RGSL1: variants seen among roughly 807,000 people sequenced by gnomAD.
RGSL1 encodes regulator of G protein signaling like 1, also known as regulator of G protein signaling protein-like.
Under a neutral mutation model 124.7 loss-of-function variants are expected in RGSL1, and 97 were observed. That is an observed-to-expected ratio of 0.78 (90% CI 0.66 to 0.92). RGSL1 has a LOEUF of 0.92. RGSL1 is among the 40% of genes least tolerant of loss of function. RGSL1 has a pLI of 0.00. For missense variants in RGSL1, 1,233 were observed against 1,288.4 expected, an observed-to-expected ratio of 0.96 and a Z score of 0.66; for synonymous variants, 424 against 438.1, an observed-to-expected ratio of 0.97 and a Z score of 0.40.
Position 182,520,343 on chromosome 1 carries a change from C to G in RGSL1, c.1826-1661C>G, listed in dbSNP as rs114865811. ...ATCAGGGCCTCTTCTCCTTTTGCCC[C>G]CTTCTGTCCTGAGAATCTGCCAAAA... On this transcript the variant is annotated intron_variant, in intron 9 of 21. Coordinates refer to ENST00000294854, the MANE Select transcript of RGSL1 (RefSeq NM_001137669.2). Among the ~76,000 whole-genome samples, 1,480 of 152,236 alleles carry G rather than the reference C, an allele frequency of 9.7e-3. 24 individuals are homozygous for G. The highest frequency in any genetic ancestry group is 0.034 in the African/African-American group (1,395 of 41,548).
In RGSL1 at chr1:182,523,871, G is replaced by A. The variant is rs562870434; in HGVS notation, c.1931+1762G>A. Among the ~76,000 whole-genome samples, 22 of 152,198 alleles carry A rather than the reference G, an allele frequency of 1.4e-4. No individual in the cohort carries two copies. In the South Asian group the frequency reaches 4.2e-3, roughly 29 times the overall value. ...GATAACATATTAGCTAATTACTATGGGAGTGAAAGGAGAGAGAAATTTTGA... is the reference window on the plus strand; with the variant it reads ...GATAACATATTAGCTAATTACTATGAGAGTGAAAGGAGAGAGAAATTTTGA... On this transcript the variant is annotated intron_variant, in intron 10 of 21. Transcript: ENST00000294854.
rs370485140 is a variant in RGSL1, at chr1:182,489,167, T to G, written c.1682T>G (p.Leu561Arg). The G allele has an allele frequency of 1.1e-5, 17 of 1,551,598 alleles. No individual in the cohort carries two copies. The highest frequency in any genetic ancestry group is 1.5e-5 in the Non-Finnish European group (17 of 1,147,002). Residue 561 changes from leucine to arginine, a missense_variant, in exon 8 of 22, where the codon CTC (leucine) becomes CGC (arginine). Coordinates refer to ENST00000294854, the MANE Select transcript of RGSL1 (RefSeq NM_001137669.2). ...ATEDLKQGGS[L>R]QVELTSPVFL... Reference sequence around the variant, plus strand: ...GAGGACCTGAAGCAAGGAGGCTCTCTCCAGGTAGAGCTGACATCTCCAGTG... The same window carrying G: ...GAGGACCTGAAGCAAGGAGGCTCTCGCCAGGTAGAGCTGACATCTCCAGTG...
intron 4 of RGSL1, among the ~76,000 whole-genome samples, chr1:182,469,027 G>A (rs901511068): frequency 2.6e-5 from 4 of 151,920 alleles, no homozygotes; most frequent in Non-Finnish European, 5.9e-5. Flanking sequence ...AACTCAAAAT[G>A]GATTGAAGAC....
intron 9 of RGSL1, among the ~76,000 whole-genome samples, chr1:182,497,577 G>C (rs1464510187): frequency 6.6e-6 from 1 of 151,716 alleles, no homozygotes; most frequent in Non-Finnish European, 1.5e-5. Flanking sequence ...CAACAAACAA[G>C]GACATTCTCC....
At chr1:182,481,539 A>C (rs146926789) in intron 6 of RGSL1, among the ~76,000 whole-genome samples, 2 of 152,216 alleles carry the variant, frequency 1.3e-5, no homozygotes, top group Non-Finnish European at 2.9e-5. Flanking sequence ...AATCCTTCTT[A>C]AACTCTTCCC....
At chr1:182,503,974 C>CTTTTTTTTTTTTTTTTTTTTTTTTTTTT (rs71124902) in intron 9 of RGSL1, among the ~76,000 whole-genome samples, 1 of 118,240 alleles carries the variant, frequency 8.5e-6, no homozygotes, top group Non-Finnish European at 1.7e-5. Context: ...TTTGTAATTT[C>CTTTTTTTTTTTTTTTTTTTTTTTTTTTT]TTTTTTTTTT....
chr1:182,458,439 G>C, intron 3 of RGSL1, 46 bp downstream of exon 3: 1 of 1,401,978 alleles, frequency 7.1e-7, no homozygotes, highest in South Asian at 1.3e-5. Context: ...TGGAGAATGA[G>C]GGAACTATAA....
intron 18 of RGSL1, among the ~76,000 whole-genome samples, chr1:182,552,359 C>G (rs1440477232): frequency 6.6e-6 from 1 of 152,110 alleles, no homozygotes. Flanking sequence ...TGTGATCCAC[C>G]CCCCTCAGTG....
chr1:182,517,484 G>A (rs909701509), intron 9 of RGSL1, among the ~76,000 whole-genome samples: 14 of 151,754 alleles, frequency 9.2e-5, no homozygotes, highest in Non-Finnish European at 1.9e-4. Flanking sequence ...GCTCTTGCTC[G>A]ACTTCCTCTC....
At chr1:182,486,210 A>ATATAGTC (rs1655084545) in intron 6 of RGSL1, among the ~76,000 whole-genome samples, 1 of 152,132 alleles carries the variant, frequency 6.6e-6, no homozygotes, top group Non-Finnish European at 1.5e-5. Flanking sequence ...CTATTATTTT[A>ATATAGTC]ATGTATATCT....
At chr1:182,544,754 CTCTT>C (rs1660105154) in intron 15 of RGSL1, among the ~76,000 whole-genome samples, 1 of 151,964 alleles carries the variant, frequency 6.6e-6, no homozygotes, top group Admixed American at 6.6e-5. Flanking sequence ...ATAACTATGT[CTCTT>C]TTTAGAGTCT....
chr1:182,464,376 A>G (rs1653094536), intron 4 of RGSL1, among the ~76,000 whole-genome samples: 1 of 152,226 alleles, frequency 6.6e-6, no homozygotes, highest in Non-Finnish European at 1.5e-5. Context: ...GAGATCAAAA[A>G]TTGGTCCTTT....
intron 9 of RGSL1, among the ~76,000 whole-genome samples, chr1:182,508,690 T>C (rs1016852219): frequency 2.0e-4 from 29 of 143,336 alleles, no homozygotes; most frequent in Non-Finnish European, 2.5e-4. Flanking sequence ...TTTTTTTTTT[T>C]TTAATTTATT....
At chr1:182,529,463 C>T (rs897455339) in intron 11 of RGSL1, among the ~76,000 whole-genome samples, 4 of 152,106 alleles carry the variant, frequency 2.6e-5, no homozygotes, top group Non-Finnish European at 5.9e-5. Context: ...ATCTTTGTTT[C>T]ATAAGTTGTG....
In RGSL1 at chr1:182,488,828, G is replaced by T. The variant is rs1264587087; in HGVS notation, c.1495-152G>T. The T allele has an allele frequency of 1.4e-5, 8 of 590,584 alleles. No individual in the cohort carries two copies. The Admixed American group carries it at 2.0e-4, about 15-fold the overall frequency. 36.6% of individuals were successfully genotyped at this position (590,584 alleles called of 1,614,324 possible). A position where few individuals can be genotyped will look rare whatever the true frequency, so the allele number is the denominator to read the frequency against. On this transcript the variant is annotated intron_variant, in intron 7 of 21. Transcript: ENST00000294854. ...TTTGATTAGAAAAGGGTGGGGGTTG[G>T]CATGTAAAGGAGCAATGGTTCTTAA... is the stretch of plus-strand genomic sequence containing the variant.
At chr1:182,525,536 T>C (rs748087920) in intron 10 of RGSL1, among the ~76,000 whole-genome samples, 2 of 141,182 alleles carry the variant, frequency 1.4e-5, no homozygotes, top group South Asian at 2.3e-4. Flanking sequence ...CAGATTTAAG[T>C]TGACAAAAGA....
Position 182,536,498 on chromosome 1 carries a change from G to A in RGSL1, c.2494+3707G>A, listed in dbSNP as rs6670148. On this transcript the variant is annotated intron_variant, in intron 14 of 21. Coordinates refer to ENST00000294854, the MANE Select transcript of RGSL1 (RefSeq NM_001137669.2). The stretch of plus-strand genomic sequence containing the variant: ...TTTTTAATTTTAGCCATTCTAGAGG[G>A]TATGTAATAGTATCTTGTTTTAGTT... Among the ~76,000 whole-genome samples, 1,116 of 152,282 alleles carry A rather than the reference G, an allele frequency of 7.3e-3. 19 individuals are homozygous for A. Among genetic ancestry groups the A allele is most frequent in the African/African-American group, 0.026 (1,062 of 41,552 alleles).
rs1428232672 is a variant in RGSL1 at position 182,450,185 on chromosome 1, CTCT to C, written c.13+8_13+10del. ...GGCAACATGAGCAGTGCTGGTGAGT[CTCT>C]GCCAGGGATGTCTCCAAGGCCTTGA... On this transcript the variant is annotated splice_region_variant and intron_variant, in intron 1 of 21. Transcript: ENST00000294854. 6.4e-7 allele frequency: 1 copy of C among 1,552,120 alleles called. No individual in the cohort carries two copies. The highest frequency in any genetic ancestry group is 2.0e-5 in the Admixed American group (1 of 51,004).
chr1:182,472,747 C>T (rs1653951079), intron 5 of RGSL1, 190 bp downstream of exon 5: 4 of 537,888 alleles, frequency 7.4e-6, no homozygotes, highest in South Asian at 4.5e-5. Flanking sequence ...TAAGCTGGCA[C>T]TTGCCTCTCT....
Sources: allele counts gnomAD v4.1 joint callset (sites outside exome capture counted in the v4.1 genomes callset), GRCh38; gene constraint gnomAD v4.1.1; transcripts MANE v1.5; gene names NCBI Gene and HGNC (gene_info 2026-07-23, HGNC 2026-07-21).